SLC9A8: variants seen among roughly 807,000 people sequenced by gnomAD.
The protein encoded by SLC9A8 is solute carrier family 9 member A8.
A neutral mutation model predicts 66.6 loss-of-function variants in SLC9A8; 48 were observed. The ratio of observed to expected loss-of-function variants is 0.72; its 90% CI spans 0.57 to 0.92. SLC9A8 has a LOEUF of 0.92. SLC9A8 is among the 40% of genes least tolerant of loss of function. The probability of loss-of-function intolerance (pLI) is 0.00; values close to 1 mark genes in which losing one functional copy is unlikely to be tolerated. For synonymous variants in SLC9A8, 274 were observed against 282.6 expected (o/e 0.97, Z 0.31); for missense variants, 599 against 747.3 (o/e 0.80, Z 2.31).
At chr20:49,866,931 A>C in intron 10 of SLC9A8, among the ~76,000 whole-genome samples, 1 of 152,252 alleles carries the variant, frequency 6.6e-6, no homozygotes, top group South Asian at 2.1e-4. Flanking sequence ...TTTATAATTC[A>C]TCTACAGCAG....
intron 8 of SLC9A8, among the ~76,000 whole-genome samples, chr20:49,861,614 G>A (rs1308029826): frequency 2.6e-5 from 4 of 152,086 alleles, no homozygotes; most frequent in Non-Finnish European, 5.9e-5. Flanking sequence ...AGGCAAGGAT[G>A]TCTAGAAGGA....
chr20:49,829,541 C>T (rs2087083454), intron 3 of SLC9A8: 3 of 287,732 alleles, frequency 1.0e-5, no homozygotes, highest in Admixed American at 9.4e-5. Context: ...AAAAGAACCT[C>T]ATGGAAAGAA....
chr20:49,878,762 G>A (rs1392452211), intron 12 of SLC9A8, among the ~76,000 whole-genome samples: 1 of 152,172 alleles, frequency 6.6e-6, no homozygotes, highest in South Asian at 2.1e-4. Flanking sequence ...GCTCACACCT[G>A]TAATCTCAGC....
Position 49,888,492 on chromosome 20 carries a change from C to CG in SLC9A8, c.*558dup, listed in dbSNP as rs2089971187. 6.3e-6 allele frequency: 1 copy of CG among 159,096 alleles called. No homozygotes were observed. The highest frequency in any genetic ancestry group is 1.4e-5 in the Non-Finnish European group (1 of 71,416). 9.9% of individuals were successfully genotyped at this position (159,096 alleles called of 1,614,324 possible). On this transcript the variant is annotated 3_prime_UTR_variant, in exon 16 of 16. Coordinates refer to ENST00000361573, the MANE Select transcript of SLC9A8 (RefSeq NM_015266.3). Reference sequence around the variant, plus strand: ...CTTCCTGTGCTCCCTCAGAGAGAAACGGAGTGACCTTTTGTCCTTTACCTG... The same window carrying CG: ...CTTCCTGTGCTCCCTCAGAGAGAAACGGGAGTGACCTTTTGTCCTTTACCTG...
At chr20:49,830,625 G>A in intron 3 of SLC9A8, 1 of 619,200 alleles carries the variant, frequency 1.6e-6, no homozygotes, top group Non-Finnish European at 2.9e-6. Context: ...CAGAATGTTG[G>A]TGATCTTAGC....
intron 9 of SLC9A8, 89 bp downstream of exon 9, chr20:49,863,156 C>T: frequency 3.3e-6 from 4 of 1,206,256 alleles, no homozygotes; most frequent in Middle Eastern, 2.1e-4. Flanking sequence ...TTTAAGGGGG[C>T]CAATTTTAGA....
chr20:49,845,261 G>T, intron 5 of SLC9A8, 142 bp downstream of exon 5: 1 of 639,018 alleles, frequency 1.6e-6, no homozygotes, highest in South Asian at 1.8e-5. Flanking sequence ...GTGGAAGCTG[G>T]ACTGCAGTGC....
chr20:49,836,760 G>A (rs1382238254), intron 3 of SLC9A8, among the ~76,000 whole-genome samples: 1 of 152,160 alleles, frequency 6.6e-6, no homozygotes, highest in African/African-American at 2.4e-5. Flanking sequence ...TTGCCAAACT[G>A]TTTTCCATGG....
In SLC9A8 at chr20:49,887,831, C is replaced by T. The variant is rs2146797187; in HGVS notation, c.1641C>T (p.Asp547=). 6.2e-7 allele frequency: 1 copy of T among 1,602,996 alleles called. No homozygotes were observed. Among genetic ancestry groups the T allele is most frequent in the South Asian group, 1.1e-5 (1 of 89,514 alleles). ...PFFTRRLTQE[D]LHHGRIQMKT... is the part of the protein sequence containing the mutation. ...CTTGGTTGTGTCTCTCGACCCAGGACCTGCACCACGGGCGCATCCAGATGA... is the reference window on the plus strand; with the variant it reads ...CTTGGTTGTGTCTCTCGACCCAGGATCTGCACCACGGGCGCATCCAGATGA... The change falls in exon 16 of 16, where the codon GAC becomes GAT. Residue 547 remains aspartate (D), a splice_region_variant and synonymous_variant. Coordinates refer to ENST00000361573, the MANE Select transcript of SLC9A8 (RefSeq NM_015266.3).
chr20:49,828,063 C>T (rs2086986449), intron 3 of SLC9A8, among the ~76,000 whole-genome samples: 3 of 133,824 alleles, frequency 2.2e-5, no homozygotes, highest in Non-Finnish European at 4.7e-5. Flanking sequence ...CGTACCCCCA[C>T]CAAAAAAAAA....
rs142037875 is a variant in SLC9A8 at position 49,882,597 on chromosome 20, G to A, written c.1271-1249G>A. On this transcript the variant is annotated intron_variant, in intron 13 of 15. Transcript: ENST00000361573. The stretch of plus-strand genomic sequence containing the variant: ...CACCTAGTCCCAAAGCTGTTCCCGC[G>A]AACCCAGACCTCCCTCTGGGATCCG... Among the ~76,000 whole-genome samples, 62 of 152,268 alleles carry A rather than the reference G, an allele frequency of 4.1e-4. No individual in the cohort carries two copies. In the East Asian group the frequency reaches 4.4e-3, roughly 11 times the overall value.
chr20:49,819,670 A>G (rs1033608299), intron 2 of SLC9A8, among the ~76,000 whole-genome samples: 5 of 152,178 alleles, frequency 3.3e-5, no homozygotes, highest in Non-Finnish European at 4.4e-5. Context: ...TCATCACCCC[A>G]AAAGAAAACC....
Position 49,888,155 on chromosome 20 carries a change from C to G in SLC9A8, c.*219C>G, listed in dbSNP as rs528576661. On this transcript the variant is annotated 3_prime_UTR_variant, in exon 16 of 16. Transcript: ENST00000361573. ...GAAACTGTCATCTCCCGACTCCTCC[C>G]TGAGCCAGCCTCCGCTCAGTGTGGC... The G allele has an allele frequency of 6.2e-6, 3 of 481,694 alleles. No individual in the cohort carries two copies. Among genetic ancestry groups the G allele is most frequent in the East Asian group, 3.9e-5 (1 of 25,516 alleles). The allele number at this position is 481,694 out of a possible 1,614,324, so 29.8% of individuals were successfully genotyped here. A position where few individuals can be genotyped will look rare whatever the true frequency, so the allele number is the denominator to read the frequency against.
At chr20:49,827,400 C>T (rs146963441) in intron 3 of SLC9A8, among the ~76,000 whole-genome samples, 5,611 of 150,864 alleles carry the variant, frequency 0.037, 146 homozygotes, top group East Asian at 0.085. Context: ...GTCAAGAGTT[C>T]GAGAACAACC....
chr20:49,835,027 A>G (rs1267061935), intron 3 of SLC9A8, among the ~76,000 whole-genome samples: 1 of 152,190 alleles, frequency 6.6e-6, no homozygotes, highest in African/African-American at 2.4e-5. Context: ...ACATCTGATG[A>G]TTATCCAGCG....
At chr20:49,863,439 G>T (rs777390348) in intron 9 of SLC9A8, among the ~76,000 whole-genome samples, 29 of 152,296 alleles carry the variant, frequency 1.9e-4, no homozygotes, top group Non-Finnish European at 3.1e-4. Context: ...AATAGACCAG[G>T]TGCAGTGGCT....
chr20:49,861,558 G>A (rs145172365), intron 8 of SLC9A8, among the ~76,000 whole-genome samples: 6 of 151,962 alleles, frequency 3.9e-5, no homozygotes, highest in Non-Finnish European at 8.8e-5. Context: ...CAAAAAGAGG[G>A]GGATCATCTA....
rs1187324267 is a variant in SLC9A8, at chr20:49,880,841, A to C, written c.1159-83A>C. 8.0e-6 allele frequency: 7 copies of C among 880,164 alleles called. No individual in the cohort carries two copies. The African/African-American group carries it at 9.9e-5, about 12-fold the overall frequency. The allele number at this position is 880,164 out of a possible 1,614,324, so 54.5% of individuals were successfully genotyped here. On this transcript the variant is annotated intron_variant, in intron 12 of 15. Transcript: ENST00000361573. Reference sequence around the variant, plus strand: ...TGCATTTGTACTGGATGTGTTACACAGTCTGCATTAGCTTCATCCAAGAAG... The same window carrying C: ...TGCATTTGTACTGGATGTGTTACACCGTCTGCATTAGCTTCATCCAAGAAG...
intron 15 of SLC9A8, 83 bp from the exon 16 acceptor site, chr20:49,887,746 A>T: frequency 9.1e-7 from 1 of 1,099,532 alleles, no homozygotes; most frequent in Non-Finnish European, 1.3e-6. Flanking sequence ...TAGACACCCC[A>T]CACAAAACAC....
Sources: allele counts gnomAD v4.1 joint callset (sites outside exome capture counted in the v4.1 genomes callset), GRCh38; gene constraint gnomAD v4.1.1; transcripts MANE v1.5; gene names NCBI Gene and HGNC (gene_info 2026-07-23, HGNC 2026-07-21).